The following ATP2C2 variants were observed in gnomAD, a reference collection of about 807,000 sequenced individuals.
The protein encoded by ATP2C2 is ATPase secretory pathway Ca2+ transporting 2, also known as calcium-transporting ATPase type 2C member 2.
In ATP2C2, 171 loss-of-function variants were observed where a neutral mutation model predicts 110.8. The observed-to-expected ratio is 1.54, with a 90% CI of 1.36 to 1.75. The LOEUF (loss-of-function observed/expected upper bound fraction) is 1.75, where lower values mean the gene tolerates loss of function less well. ATP2C2 is among the 40% of genes most tolerant of loss of function. The probability of loss-of-function intolerance (pLI) is 0.00; values close to 1 mark genes in which losing one functional copy is unlikely to be tolerated. For missense variants in ATP2C2, 1,963 were observed against 1,235.0 expected, an observed-to-expected ratio of 1.59 and a Z score of -8.84; for synonymous variants, 804 against 508.4, an observed-to-expected ratio of 1.58 and a Z score of -7.82.
rs770489882 is a variant in ATP2C2 at position 84,451,954 on chromosome 16, G to T, written c.1694G>T (p.Arg565Leu). 6.2e-7 allele frequency: 1 copy of T among 1,613,924 alleles called. No individual in the cohort carries two copies. The highest frequency in any genetic ancestry group is 1.3e-5 in the African/African-American group (1 of 74,864). Residue 565 changes from arginine to leucine, a missense_variant, in exon 18 of 27, where the codon CGG becomes CTG. Transcript: ENST00000262429. ...LALASGPELG[R>L]LTFLGLVGII... ...CTGGCTTCTGGGCCCGAGCTGGGGCGGCTGACGTTTCTCGGTCTTGTGGGC... is the reference window on the plus strand; with the variant it reads ...CTGGCTTCTGGGCCCGAGCTGGGGCTGCTGACGTTTCTCGGTCTTGTGGGC...
intron 7 of ATP2C2, among the ~76,000 whole-genome samples, chr16:84,420,791 T>G (rs1907263033): frequency 6.6e-6 from 1 of 152,140 alleles, no homozygotes; most frequent in Non-Finnish European, 1.5e-5. Flanking sequence ...GTTTTTGACC[T>G]TGACCTTGAC....
chr16:84,409,265 C>T (rs533468871), intron 4 of ATP2C2, among the ~76,000 whole-genome samples: 6 of 152,290 alleles, frequency 3.9e-5, no homozygotes, highest in Admixed American at 2.0e-4. Context: ...CACATGGACA[C>T]AGGGTGGGGA....
chr16:84,414,718 G>A (rs1168450333), intron 6 of ATP2C2, among the ~76,000 whole-genome samples: 1 of 152,188 alleles, frequency 6.6e-6, no homozygotes, highest in Admixed American at 6.5e-5. Context: ...TTTGAGGTCT[G>A]CAAAGCCCCT....
chr16:84,429,807 G>A (rs138260725), intron 11 of ATP2C2, among the ~76,000 whole-genome samples: 1 of 152,142 alleles, frequency 6.6e-6, no homozygotes, highest in Non-Finnish European at 1.5e-5. Flanking sequence ...AGCACCACAG[G>A]CTGCAGGGCT....
At position 84,436,803 on chromosome 16, in the gene ATP2C2, C is replaced by T. The variant is rs559143257; in HGVS notation, c.987-2363C>T. The stretch of plus-strand genomic sequence containing the variant: ...TTGAGACAGACTTTCACTCTTGTTG[C>T]CCAGGCTGGAGTGCAATGGCACCAT... On this transcript the variant is annotated intron_variant, in intron 11 of 26. Transcript: ENST00000262429. 5.8e-3 allele frequency among the ~76,000 whole-genome samples: 749 copies of T among 128,152 alleles called. 8 individuals are homozygous for T. Among genetic ancestry groups the T allele is most frequent in the African/African-American group, 0.021 (706 of 34,208 alleles). The allele number at this position is 128,152 out of a possible 152,430, so 84.1% of individuals were successfully genotyped here.
intron 1 of ATP2C2, among the ~76,000 whole-genome samples, chr16:84,382,415 A>C (rs745340002): frequency 6.6e-6 from 1 of 151,984 alleles, no homozygotes; most frequent in Non-Finnish European, 1.5e-5. Context: ...TCTTCACAGA[A>C]ACCTCCCCAC....
intron 6 of ATP2C2, among the ~76,000 whole-genome samples, chr16:84,412,853 T>C (rs938299404): frequency 1.3e-5 from 2 of 152,002 alleles, no homozygotes; most frequent in African/African-American, 2.4e-5. Flanking sequence ...CCCAGCACTT[T>C]GGGAGGCCGA....
At chr16:84,411,163 T>A (rs1325284243) in intron 6 of ATP2C2, among the ~76,000 whole-genome samples, 1 of 152,146 alleles carries the variant, frequency 6.6e-6, no homozygotes, top group African/African-American at 2.4e-5. Flanking sequence ...TCCAGGTCTT[T>A]AACAAGCAGA....
chr16:84,438,539 TCTC>T (rs1908948421), intron 11 of ATP2C2, among the ~76,000 whole-genome samples: 3 of 152,098 alleles, frequency 2.0e-5, no homozygotes, highest in Admixed American at 1.3e-4. Flanking sequence ...GGTCACACGC[TCTC>T]CTCGAATCCA....
intron 13 of ATP2C2, among the ~76,000 whole-genome samples, chr16:84,440,263 C>G (rs1909121700): frequency 6.6e-6 from 1 of 152,232 alleles, no homozygotes; most frequent in Non-Finnish European, 1.5e-5. Flanking sequence ...CTCCCAAGTC[C>G]TTGCGTGTTT....
In ATP2C2 at chr16:84,445,893, T is replaced by G. The variant is rs555476968; in HGVS notation, c.1402-436T>G. ...AGATTCTGAGTTGTCACATCACTGA[T>G]CCAAAAGCCACCAAAGAGCAACAAA... On this transcript the variant is annotated intron_variant, in intron 15 of 26. Coordinates refer to ENST00000262429, the MANE Select transcript of ATP2C2 (RefSeq NM_014861.4). Among the ~76,000 whole-genome samples the G allele has an allele frequency of 2.6e-4, 39 of 152,198 alleles. No individual in the cohort carries two copies. In the South Asian group the frequency reaches 6.8e-3, roughly 27 times the overall value.
intron 11 of ATP2C2, among the ~76,000 whole-genome samples, chr16:84,430,402 AC>A (rs1908164222): frequency 1.6e-5 from 1 of 61,772 alleles, no homozygotes; most frequent in Non-Finnish European, 4.0e-5. Context: ...GCACTTTTGG[AC>A]ACTGAGGCAG....
chr16:84,415,690 C>A, intron 7 of ATP2C2, 99 bp downstream of exon 7: 1 of 953,974 alleles, frequency 1.0e-6, no homozygotes. Flanking sequence ...CTCTCATACA[C>A]ACATGCTCAA....
chr16:84,401,826 T>G (rs1247605774), intron 2 of ATP2C2, among the ~76,000 whole-genome samples: 5 of 152,216 alleles, frequency 3.3e-5, no homozygotes, highest in African/African-American at 1.2e-4. Flanking sequence ...CTTTTGTGGT[T>G]CCATATAAAT....
intron 15 of ATP2C2, among the ~76,000 whole-genome samples, chr16:84,445,296 C>T (rs1382943265): frequency 6.6e-6 from 1 of 151,992 alleles, no homozygotes; most frequent in African/African-American, 2.4e-5. Flanking sequence ...GCAACCTCCG[C>T]CTCCCAGGTT....
intron 6 of ATP2C2, among the ~76,000 whole-genome samples, chr16:84,414,907 C>G (rs1906697554): frequency 6.6e-6 from 1 of 152,052 alleles, no homozygotes; most frequent in Non-Finnish European, 1.5e-5. Flanking sequence ...AGCGCTCCAG[C>G]TGCCATATGC....
chr16:84,452,497 CTTT>C (rs397816630), intron 18 of ATP2C2, among the ~76,000 whole-genome samples: 2 of 118,356 alleles, frequency 1.7e-5, no homozygotes, highest in South Asian at 2.8e-4. Context: ...CCTCTAGTTA[CTTT>C]TTTTTTTTTT....
At chr16:84,383,760 T>TGTGTGTGTGTGTGTG (rs1246366949) in intron 1 of ATP2C2, among the ~76,000 whole-genome samples, 7 of 146,196 alleles carry the variant, frequency 4.8e-5, no homozygotes, top group South Asian at 2.3e-4. Context: ...TATGTGTGTG[T>TGTGTGTGTGTGTGTG]TGGGGGTGGG....
intron 1 of ATP2C2, among the ~76,000 whole-genome samples, chr16:84,370,060 G>A (rs561537550): frequency 6.6e-6 from 1 of 152,232 alleles, no homozygotes; most frequent in South Asian, 2.1e-4. Context: ...TTTGATTCTT[G>A]CATCAGGCCA....
Sources: allele counts gnomAD v4.1 joint callset (sites outside exome capture counted in the v4.1 genomes callset), GRCh38; gene constraint gnomAD v4.1.1; transcripts MANE v1.5; gene names NCBI Gene and HGNC (gene_info 2026-07-23, HGNC 2026-07-21).